COL19A1: variants seen among roughly 807,000 people sequenced by gnomAD.
COL19A1 encodes the protein collagen type XIX alpha 1 chain.
Under a neutral mutation model 190.2 loss-of-function variants are expected in COL19A1, and 159 were observed. The observed-to-expected ratio is 0.84, with a 90% CI of 0.73 to 0.95. The LOEUF (loss-of-function observed/expected upper bound fraction) is 0.95, where lower values mean the gene tolerates loss of function less well. COL19A1 is among the 40% of genes least tolerant of loss of function. The pLI is 0.00. For synonymous variants in COL19A1, 509 were observed against 458.9 expected (o/e 1.11, Z -1.39); for missense variants, 1,418 against 1,431.9 (o/e 0.99, Z 0.16).
At chr6:70,145,069 TC>T in intron 25 of COL19A1, 62 bp downstream of exon 25, 1 of 1,219,070 alleles carries the variant, frequency 8.2e-7, no homozygotes, top group Non-Finnish European at 1.2e-6. Context: ...ACTTGTGGGT[TC>T]CTAGTTTCAG....
Position 69,941,608 on chromosome 6 carries a change from G to T in COL19A1, c.936+3508G>T, listed in dbSNP as rs75089026. ...ATTTCTTCAAAAGATTACTCAATAAGTTGACTATTTCATTCAACTCTGTAT... is the reference window on the plus strand; with the variant it reads ...ATTTCTTCAAAAGATTACTCAATAATTTGACTATTTCATTCAACTCTGTAT... On this transcript the variant is annotated intron_variant, in intron 9 of 50. Transcript: ENST00000620364. Among the ~76,000 whole-genome samples the T allele has an allele frequency of 5.5e-3, 827 of 151,646 alleles. 19 individuals are homozygous for T. In the East Asian group the frequency reaches 0.069, roughly 13 times the overall value.
At chr6:69,941,915 C>G (rs1773492831) in intron 9 of COL19A1, among the ~76,000 whole-genome samples, 1 of 152,256 alleles carries the variant, frequency 6.6e-6, no homozygotes, top group Admixed American at 6.5e-5. Context: ...GTCTCGAACT[C>G]CTGACCTCAG....
At chr6:69,882,264 A>C (rs1475332688) in intron 2 of COL19A1, among the ~76,000 whole-genome samples, 1 of 152,156 alleles carries the variant, frequency 6.6e-6, no homozygotes, top group Non-Finnish European at 1.5e-5. Context: ...AAAATTTTGA[A>C]GGTATTAGGA....
At chr6:69,979,328 G>A (rs1351538613) in intron 11 of COL19A1, among the ~76,000 whole-genome samples, 2 of 151,806 alleles carry the variant, frequency 1.3e-5, no homozygotes, top group Non-Finnish European at 1.5e-5. Context: ...GAAAAATCAA[G>A]TAGGATAATA....
intron 2 of COL19A1, among the ~76,000 whole-genome samples, chr6:69,880,851 T>TA (rs1365514834): frequency 6.6e-6 from 1 of 152,234 alleles, no homozygotes; most frequent in Non-Finnish European, 1.5e-5. Flanking sequence ...TTTATTCTGA[T>TA]ACGATTTCTA....
At chr6:69,927,354 A>G (rs935663581) in intron 4 of COL19A1, among the ~76,000 whole-genome samples, 4 of 152,198 alleles carry the variant, frequency 2.6e-5, no homozygotes, top group Non-Finnish European at 4.4e-5. Context: ...ATTTATTTGT[A>G]TGACAATAGC....
chr6:70,081,164 A>T (rs887154693), intron 15 of COL19A1, among the ~76,000 whole-genome samples: 3 of 152,156 alleles, frequency 2.0e-5, no homozygotes, highest in Non-Finnish European at 2.9e-5. Context: ...GAAAAAATGG[A>T]ATAGATGAAT....
At chr6:70,086,772 A>C (rs1438346907) in intron 15 of COL19A1, among the ~76,000 whole-genome samples, 1 of 152,012 alleles carries the variant, frequency 6.6e-6, no homozygotes, top group Non-Finnish European at 1.5e-5. Flanking sequence ...GAATGCGATC[A>C]CACTTTTTCT....
At chr6:70,165,479 A>G (rs1202574878) in intron 36 of COL19A1, among the ~76,000 whole-genome samples, 1 of 152,126 alleles carries the variant, frequency 6.6e-6, no homozygotes, top group East Asian at 1.9e-4. Context: ...ACAGGTTGTG[A>G]TTTTTTTACT....
chr6:70,106,135 T>C (rs1310569761), intron 16 of COL19A1, among the ~76,000 whole-genome samples: 1 of 152,168 alleles, frequency 6.6e-6, no homozygotes, highest in Non-Finnish European at 1.5e-5. Context: ...GTGAAGACTT[T>C]AAAAATCTTG....
intron 14 of COL19A1, among the ~76,000 whole-genome samples, chr6:70,046,648 G>T (rs962415847): frequency 4.3e-4 from 65 of 150,972 alleles, no homozygotes; most frequent in Admixed American, 3.7e-3. Flanking sequence ...TAATTCCTGT[G>T]ATTTGTCTAA....
intron 11 of COL19A1, among the ~76,000 whole-genome samples, chr6:70,022,796 C>T (rs938221422): frequency 2.6e-5 from 4 of 152,224 alleles, no homozygotes; most frequent in African/African-American, 4.8e-5. Context: ...TTAATGGCTA[C>T]GTCATAATCC....
At chr6:70,033,240 T>A (rs569996424) in intron 12 of COL19A1, among the ~76,000 whole-genome samples, 1 of 152,278 alleles carries the variant, frequency 6.6e-6, no homozygotes, top group East Asian at 1.9e-4. Flanking sequence ...TTCTTTCACT[T>A]CATCACTGGT....
chr6:70,051,613 T>C (rs1258006891), intron 14 of COL19A1, among the ~76,000 whole-genome samples: 2 of 152,092 alleles, frequency 1.3e-5, no homozygotes, highest in Non-Finnish European at 2.9e-5. Flanking sequence ...AGCAAATCTA[T>C]CCTTGCTTTG....
intron 47 of COL19A1, among the ~76,000 whole-genome samples, chr6:70,188,483 A>G (rs1680899797): frequency 6.6e-6 from 1 of 152,212 alleles, no homozygotes. Context: ...TTTTCAGCCC[A>G]GTTTTATAAA....
intron 16 of COL19A1, among the ~76,000 whole-genome samples, chr6:70,102,452 A>G (rs1783695988): frequency 6.6e-6 from 1 of 152,106 alleles, no homozygotes; most frequent in Non-Finnish European, 1.5e-5. Context: ...CACCTCACCC[A>G]CTTCTTTATT....
chr6:70,102,946 G>A (rs1347364787), intron 16 of COL19A1, among the ~76,000 whole-genome samples: 1 of 151,972 alleles, frequency 6.6e-6, no homozygotes, highest in Non-Finnish European at 1.5e-5. Flanking sequence ...TATTCTGTTG[G>A]TTTAGCAACA....
At chr6:70,180,634 T>A in intron 44 of COL19A1, 111 bp downstream of exon 44, 4 of 1,133,384 alleles carry the variant, frequency 3.5e-6, no homozygotes, top group Non-Finnish European at 5.2e-6. Flanking sequence ...TTCCAAGGAG[T>A]AAGAAGAATG....
At chr6:69,977,255 C>T (rs1775766038) in intron 11 of COL19A1, among the ~76,000 whole-genome samples, 2 of 152,020 alleles carry the variant, frequency 1.3e-5, no homozygotes, top group Admixed American at 1.3e-4. Context: ...GAGTTCATGT[C>T]CTTTGTAGGG....
Sources: allele counts gnomAD v4.1 joint callset (sites outside exome capture counted in the v4.1 genomes callset), GRCh38; gene constraint gnomAD v4.1.1; transcripts MANE v1.5; gene names NCBI Gene and HGNC (gene_info 2026-07-23, HGNC 2026-07-21).